RNF17: variants seen among roughly 807,000 people sequenced by gnomAD.
RNF17 encodes spermatogenesis associated 23.
In RNF17, 31 loss-of-function variants were observed where a neutral mutation model predicts 200.5. The ratio of observed to expected loss-of-function variants is 0.15; its 90% CI spans 0.12 to 0.21. The LOEUF (loss-of-function observed/expected upper bound fraction) is 0.21. Ranked by LOEUF, RNF17 falls within the 10% of genes least tolerant of loss-of-function variation. The pLI is 1.00. For synonymous variants in RNF17, 606 were observed against 637.8 expected (o/e 0.95, Z 0.75); for missense variants, 1,628 against 1,905.1 (o/e 0.85, Z 2.71).
Position 24,800,508 on chromosome 13 carries a change from T to C in RNF17, c.1732T>C (p.Leu578=), listed in dbSNP as rs757296439. 2.5e-6 allele frequency: 4 copies of C among 1,613,110 alleles called. No individual in the cohort carries two copies. The highest frequency in any genetic ancestry group is 1.7e-5 in the Admixed American group (1 of 59,922). ...CCAGCCATTAGCACAACCATGCTCA[T>C]TGAAAGACATTGTTCCACAGAATTC... The part of the protein sequence containing the change: ...DIQPLAQPCS[L]KDIVPQNSNE... The change falls in exon 13 of 36, where the codon TTG becomes CTG. Residue 578 remains leucine (L), a synonymous_variant. Coordinates refer to ENST00000255324, the MANE Select transcript of RNF17 (RefSeq NM_031277.3).
In RNF17 at chr13:24,794,073, T is replaced by C. The variant is rs150414485; in HGVS notation, c.1240+727T>C. ...TGTTGCCATTCCAGTGTTTTGCCAA[T>C]TTCAGTACAGCTTTTTAAAAACTAG... On this transcript the variant is annotated intron_variant, in intron 10 of 35. Coordinates refer to ENST00000255324, the MANE Select transcript of RNF17 (RefSeq NM_031277.3). 3.8e-4 allele frequency: 148 copies of C among 386,810 alleles called. 1 individual carries two copies. In the East Asian group the frequency reaches 9.2e-3, roughly 24 times the overall value. 24.0% of individuals were successfully genotyped at this position (386,810 alleles called of 1,614,324 possible).
At chr13:24,822,845 C>G (rs1352119091) in intron 15 of RNF17, among the ~76,000 whole-genome samples, 2 of 152,230 alleles carry the variant, frequency 1.3e-5, no homozygotes, top group African/African-American at 4.8e-5. Context: ...TCAGTACCTG[C>G]AAGCCCTATT....
chr13:24,793,885 T>C (rs1884202339), intron 10 of RNF17, among the ~76,000 whole-genome samples: 1 of 152,238 alleles, frequency 6.6e-6, no homozygotes, highest in Non-Finnish European at 1.5e-5. Flanking sequence ...TTTAAGACCA[T>C]TTTTCAAGAT....
chr13:24,763,496 CG>C (rs1010038261), upstream of RNF17, among the ~76,000 whole-genome samples: 20 of 151,320 alleles, frequency 1.3e-4, no homozygotes, highest in African/African-American at 4.9e-4. Flanking sequence ...GCATTACAGG[CG>C]TGAGCCACCG....
At chr13:24,835,051 C>T (rs1255071175) in intron 18 of RNF17, among the ~76,000 whole-genome samples, 2 of 152,132 alleles carry the variant, frequency 1.3e-5, no homozygotes, top group Non-Finnish European at 2.9e-5. Flanking sequence ...TGACTGCCAT[C>T]ATTCCCCCAC....
intron 15 of RNF17, among the ~76,000 whole-genome samples, chr13:24,810,214 T>C (rs1299960761): frequency 3.4e-5 from 5 of 147,730 alleles, no homozygotes; most frequent in African/African-American, 1.3e-4. Context: ...TTCTGTCTCG[T>C]TGATCTGTCT....
At chr13:24,835,669 C>T (rs1313030383) in intron 18 of RNF17, among the ~76,000 whole-genome samples, 4 of 152,150 alleles carry the variant, frequency 2.6e-5, no homozygotes, top group Non-Finnish European at 1.5e-5. Context: ...AAAATCTGAA[C>T]GACAGTCTTC....
At chr13:24,793,474 T>A in intron 10 of RNF17, 128 bp downstream of exon 10, 2 of 859,140 alleles carry the variant, frequency 2.3e-6, no homozygotes, top group Non-Finnish European at 3.5e-6. Flanking sequence ...CATTATGAGT[T>A]AAAACCTGTT....
chr13:24,768,333 G>A (rs1255984798), intron 2 of RNF17, among the ~76,000 whole-genome samples: 1 of 137,780 alleles, frequency 7.3e-6, no homozygotes, highest in Non-Finnish European at 1.5e-5. Context: ...CCCCCAGGCT[G>A]GAGTGCAGTG....
Position 24,767,612 on chromosome 13 carries a change from G to A in RNF17, c.225+246G>A, listed in dbSNP as rs543792183. Among the ~76,000 whole-genome samples, 38 of 152,042 alleles carry A rather than the reference G, an allele frequency of 2.5e-4. 1 individual carries two copies. Among genetic ancestry groups the A allele is most frequent in the African/African-American group, 7.7e-4 (32 of 41,492 alleles). On this transcript the variant is annotated intron_variant, in intron 2 of 35. Coordinates refer to ENST00000255324, the MANE Select transcript of RNF17 (RefSeq NM_031277.3). Reference sequence around the variant, plus strand: ...AAAATACAAAAATTTGCTGGACCTAGTGGTGCACACCTGTAGTCCCAGCTG... The same window carrying A: ...AAAATACAAAAATTTGCTGGACCTAATGGTGCACACCTGTAGTCCCAGCTG...
chr13:24,812,992 T>G (rs1484074762), intron 15 of RNF17, among the ~76,000 whole-genome samples: 2 of 152,076 alleles, frequency 1.3e-5, no homozygotes, highest in Non-Finnish European at 2.9e-5. Context: ...AATAGCATTC[T>G]TAATAAGTGT....
chr13:24,874,327 CT>C, intron 33 of RNF17, 78 bp downstream of exon 33: 2 of 1,248,470 alleles, frequency 1.6e-6, no homozygotes, highest in Non-Finnish European at 2.1e-6. Flanking sequence ...ATTTTTGCCT[CT>C]TTTAAAAGAA....
At chr13:24,807,091 T>C (rs1885983443) in intron 15 of RNF17, among the ~76,000 whole-genome samples, 1 of 151,770 alleles carries the variant, frequency 6.6e-6, no homozygotes, top group Non-Finnish European at 1.5e-5. Context: ...CTATCATGAA[T>C]AATGCCACAA....
intron 28 of RNF17, among the ~76,000 whole-genome samples, chr13:24,863,409 T>C (rs1473921501): frequency 1.3e-5 from 2 of 152,030 alleles, no homozygotes; most frequent in African/African-American, 2.4e-5. Context: ...CAGTGGAGGT[T>C]TGGTGAAGAG....
At chr13:24,763,273 G>A (rs1418484273), upstream of RNF17, among the ~76,000 whole-genome samples, 1 of 150,914 alleles carries the variant, frequency 6.6e-6, no homozygotes, top group Non-Finnish European at 1.5e-5. Flanking sequence ...TATGATCTCG[G>A]CTCACTGCAA....
chr13:24,812,304 C>T (rs1053090055), intron 15 of RNF17, among the ~76,000 whole-genome samples: 3 of 151,844 alleles, frequency 2.0e-5, no homozygotes, highest in Non-Finnish European at 2.9e-5. Flanking sequence ...ACTCCGTGGG[C>T]GTAGGACACT....
At chr13:24,863,383 A>T (rs1893290830) in intron 28 of RNF17, among the ~76,000 whole-genome samples, 1 of 152,162 alleles carries the variant, frequency 6.6e-6, no homozygotes. Flanking sequence ...GAAATGGTGT[A>T]ACTGTTTGAC....
At chr13:24,794,723 A>G (rs1382175367) in intron 10 of RNF17, among the ~76,000 whole-genome samples, 1 of 152,116 alleles carries the variant, frequency 6.6e-6, no homozygotes, top group Non-Finnish European at 1.5e-5. Flanking sequence ...ATTCCCCCCA[A>G]TAAAAAAAAT....
chr13:24,850,233 AGTTG>A (rs1469565404), intron 22 of RNF17, 104 bp from the exon 23 acceptor site: 1 of 583,472 alleles, frequency 1.7e-6, no homozygotes. Flanking sequence ...TACTACATAT[AGTTG>A]GTTCAAACTA....
Sources: allele counts gnomAD v4.1 joint callset (sites outside exome capture counted in the v4.1 genomes callset), GRCh38; gene constraint gnomAD v4.1.1; transcripts MANE v1.5; gene names NCBI Gene and HGNC (gene_info 2026-07-23, HGNC 2026-07-21).